The following GABRR1 variants were observed in gnomAD, a reference collection of about 807,000 sequenced individuals.
GABRR1 encodes the protein gamma-aminobutyric acid receptor subunit rho-1.
A neutral mutation model predicts 55.5 loss-of-function variants in GABRR1; 59 were observed. The observed-to-expected ratio is 1.06, with a 90% confidence interval of 0.86 to 1.32. The LOEUF (loss-of-function observed/expected upper bound fraction) is 1.32, where lower values mean the gene tolerates loss of function less well. Among genes scored for constraint, GABRR1 ranks in the 40% most tolerant of loss-of-function variants. The probability of loss-of-function intolerance (pLI) is 0.00; values close to 1 mark genes in which losing one functional copy is unlikely to be tolerated. For missense variants in GABRR1, 602 were observed against 619.1 expected (o/e 0.97, Z 0.29); for synonymous variants, 213 against 226.0 (o/e 0.94, Z 0.51).
At chr6:89,190,582 T>A (rs760421773) in intron 5 of GABRR1, among the ~76,000 whole-genome samples, 2 of 152,264 alleles carry the variant, frequency 1.3e-5, no homozygotes, top group Non-Finnish European at 2.9e-5. Context: ...AAAGAAGCTC[T>A]AGGACCATAT....
intron 1 of GABRR1, among the ~76,000 whole-genome samples, chr6:89,223,554 G>C (rs1435650862): frequency 2.0e-5 from 3 of 152,104 alleles, no homozygotes; most frequent in Non-Finnish European, 4.4e-5. Context: ...TTTTCCTCTG[G>C]ATAGATACTC....
intron 3 of GABRR1, among the ~76,000 whole-genome samples, chr6:89,200,241 C>CTTTTTTT (rs10603486): frequency 3.5e-5 from 3 of 86,364 alleles, no homozygotes; most frequent in Non-Finnish European, 4.2e-5. Context: ...TTCTTTTTCC[C>CTTTTTTT]TTTTTTTTTT....
chr6:89,190,123 A>C, intron 6 of GABRR1, 42 bp downstream of exon 6: 1 of 1,387,544 alleles, frequency 7.2e-7, no homozygotes. Context: ...GTTGAGAATT[A>C]TCAGGAGCTG....
chr6:89,187,934 C>T (rs1771962949), intron 6 of GABRR1, among the ~76,000 whole-genome samples: 1 of 152,080 alleles, frequency 6.6e-6, no homozygotes, highest in South Asian at 2.1e-4. Context: ...TAAATATGAG[C>T]ATACAAGTAC....
rs554779889 is a variant in GABRR1 at position 89,185,466 on chromosome 6, C to CATCTGAAAAGA, written c.656-17_656-16insTCTTTTCAGAT. The stretch of plus-strand genomic sequence containing the variant: ...GTATAGGCATCTGAAAAGACAGGGG[C>CATCTGAAAAGA]CAGCATCAGACACAAGGTGGTGGCA... On this transcript the variant is annotated splice_polypyrimidine_tract_variant and intron_variant, in intron 6 of 9. Transcript: ENST00000454853. 89 of 1,611,934 alleles carry CATCTGAAAAGA rather than the reference C, an allele frequency of 5.5e-5. 1 individual carries two copies. In the East Asian group the frequency reaches 1.7e-3, roughly 31 times the overall value.
chr6:89,225,260 C>CTTT (rs142038772), intron 1 of GABRR1, among the ~76,000 whole-genome samples: 1 of 137,644 alleles, frequency 7.3e-6, no homozygotes, highest in Non-Finnish European at 1.6e-5. Context: ...TTTCTGTTTG[C>CTTT]TTTTTTTTTT....
chr6:89,228,910 G>A (rs1229691786), intron 1 of GABRR1, among the ~76,000 whole-genome samples: 8 of 149,664 alleles, frequency 5.3e-5, no homozygotes, highest in African/African-American at 1.5e-4. Flanking sequence ...TCTCTTTGTA[G>A]GTCACTCAGG....
At chr6:89,182,451 G>C (rs1771758684) in intron 7 of GABRR1, among the ~76,000 whole-genome samples, 1 of 152,052 alleles carries the variant, frequency 6.6e-6, no homozygotes. Flanking sequence ...ACTACACCCA[G>C]CTGATGTTTA....
chr6:89,204,850 C>A (rs1772594501), intron 1 of GABRR1, among the ~76,000 whole-genome samples: 1 of 151,986 alleles, frequency 6.6e-6, no homozygotes, highest in Admixed American at 6.6e-5. Context: ...CAGAAGGAAC[C>A]TCTGCCATTC....
At chr6:89,199,496 C>A in intron 3 of GABRR1, 67 bp from the exon 4 acceptor site, 1 of 1,457,764 alleles carries the variant, frequency 6.9e-7, no homozygotes, top group South Asian at 1.2e-5. Context: ...AGGAAATAGG[C>A]AAAAGGAGCA....
At chr6:89,207,340 A>C (rs531114835) in intron 1 of GABRR1, among the ~76,000 whole-genome samples, 33 of 151,970 alleles carry the variant, frequency 2.2e-4, no homozygotes, top group Non-Finnish European at 4.4e-4. Flanking sequence ...GATTACAGGC[A>C]TGTGCCACCA....
At chr6:89,200,468 C>T (rs1374994758) in intron 3 of GABRR1, among the ~76,000 whole-genome samples, 1 of 151,866 alleles carries the variant, frequency 6.6e-6, no homozygotes, top group Non-Finnish European at 1.5e-5. Flanking sequence ...AGGCTGGTCT[C>T]GAACTCCTGA....
At chr6:89,230,051 G>A (rs1379424465) in intron 1 of GABRR1, among the ~76,000 whole-genome samples, 9 of 128,600 alleles carry the variant, frequency 7.0e-5, no homozygotes, top group East Asian at 2.2e-4. Flanking sequence ...CCAGTTGATC[G>A]CATCGGCTCC....
intron 1 of GABRR1, among the ~76,000 whole-genome samples, chr6:89,222,447 C>T (rs1024965271): frequency 1.3e-5 from 2 of 152,128 alleles, no homozygotes; most frequent in African/African-American, 4.8e-5. Context: ...TCAGAACATC[C>T]AAATAAAACA....
upstream of GABRR1, chr6:89,217,611 G>A: frequency 3.7e-6 from 1 of 266,844 alleles, no homozygotes; most frequent in Non-Finnish European, 7.1e-6. Flanking sequence ...GTCAAATGCA[G>A]TAAAAATGTT....
At chr6:89,202,013 T>C (rs1052670368) in intron 2 of GABRR1, among the ~76,000 whole-genome samples, 6 of 152,138 alleles carry the variant, frequency 3.9e-5, no homozygotes. Flanking sequence ...GGTCTGAGCC[T>C]GGTCCCCTGA....
chr6:89,204,789 TAA>T (rs1375962551), intron 1 of GABRR1: 3 of 469,104 alleles, frequency 6.4e-6, no homozygotes, highest in African/African-American at 6.3e-5. Context: ...CATGCCCATG[TAA>T]AAAAATTTAG....
chr6:89,193,549 C>T (rs1444335383), intron 5 of GABRR1, among the ~76,000 whole-genome samples: 1 of 152,062 alleles, frequency 6.6e-6, no homozygotes, highest in Non-Finnish European at 1.5e-5. Flanking sequence ...TTTTCTACTC[C>T]CTTCCTGCAC....
At chr6:89,221,528 G>C (rs929293473), upstream of GABRR1, 1 of 152,186 alleles carries the variant, frequency 6.6e-6, no homozygotes, top group Admixed American at 6.5e-5. Flanking sequence ...CATTGTATTA[G>C]ATATTAGAAG....
Sources: gnomAD v4.1 joint callset for allele counts (sites outside exome capture counted in the v4.1 genomes callset) on GRCh38, gnomAD v4.1.1 for gene constraint, MANE v1.5 for transcripts, NCBI Gene and HGNC (gene_info 2026-07-23, HGNC 2026-07-21) for gene names.